Variants in IFT74 observed in about 807,000 individuals in gnomAD.
IFT74 encodes the protein intraflagellar transport protein 74 homolog.
Under a neutral mutation model 96.7 loss-of-function variants are expected in IFT74, and 92 were observed. The ratio of observed to expected loss-of-function variants is 0.95; its 90% CI spans 0.80 to 1.13. The LOEUF is 1.13. Among genes scored for constraint, IFT74 ranks in the 50% most tolerant of loss-of-function variants. The pLI, the probability that IFT74 is intolerant of heterozygous loss-of-function variation, is 0.00. For synonymous variants in IFT74, 223 were observed against 213.2 expected, an observed-to-expected ratio of 1.05 and a Z score of -0.40; for missense variants, 811 against 698.2, an observed-to-expected ratio of 1.16 and a Z score of -1.82.
chr9:26,962,129 G>A lies in IFT74; in HGVS notation c.120+42G>A, dbSNP rs560668969. On this transcript the variant is annotated intron_variant, in intron 2 of 19. Transcript: ENST00000380062. ...TCTATTTACTTTGGGAGGCCAAGGT[G>A]GGAGGACCACTTGAGTCCAGGAGAC... 6.6e-5 allele frequency: 106 copies of A among 1,605,460 alleles called. 1 individual carries two copies. The South Asian group carries it at 9.9e-4, about 15-fold the overall frequency.
chr9:27,047,643 A>G (rs1819751409), intron 15 of IFT74, among the ~76,000 whole-genome samples: 1 of 152,194 alleles, frequency 6.6e-6, no homozygotes, highest in South Asian at 2.1e-4. Flanking sequence ...AATTATTATG[A>G]TCTTCTTCCA....
intron 8 of IFT74, among the ~76,000 whole-genome samples, chr9:27,007,557 G>A (rs1225288906): frequency 1.3e-5 from 2 of 152,188 alleles, no homozygotes; most frequent in African/African-American, 4.8e-5. Flanking sequence ...CTCCAACAGT[G>A]AAACAAAAAT....
At chr9:27,028,174 A>G (rs930490629) in intron 12 of IFT74, among the ~76,000 whole-genome samples, 4 of 152,286 alleles carry the variant, frequency 2.6e-5, no homozygotes, top group East Asian at 3.9e-4. Flanking sequence ...CCCTATGCCT[A>G]TACTACATTG....
At chr9:26,970,363 A>G (rs1023592112) in intron 2 of IFT74, among the ~76,000 whole-genome samples, 1 of 152,226 alleles carries the variant, frequency 6.6e-6, no homozygotes, top group Non-Finnish European at 1.5e-5. Context: ...ACACACATAC[A>G]TACACAGTTT....
In IFT74 at chr9:26,950,497, C is replaced by T. The variant is rs10967618; in HGVS notation, c.-20+3351C>T. Among the ~76,000 whole-genome samples, 1,142 of 152,150 alleles carry T rather than the reference C, an allele frequency of 7.5e-3. 12 individuals are homozygous for T. The highest frequency in any genetic ancestry group is 0.026 in the African/African-American group (1,070 of 41,510). On this transcript the variant is annotated intron_variant, in intron 1 of 19. Coordinates refer to the IFT74 transcript ENST00000433700. ...CACTTTTCCTTGCCTCAAAGTTTAACTATAAACCAAATTCCTGGCATAGTT... is the reference window on the plus strand; with the variant it reads ...CACTTTTCCTTGCCTCAAAGTTTAATTATAAACCAAATTCCTGGCATAGTT...
chr9:27,018,528 CAAGA>C, intron 11 of IFT74, 115 bp from the exon 12 acceptor site: 1 of 469,538 alleles, frequency 2.1e-6, no homozygotes, highest in East Asian at 3.4e-5. Flanking sequence ...AAATAGATTT[CAAGA>C]AAGAGAGTAG....
At chr9:27,003,239 T>C (rs1828595725) in intron 8 of IFT74, among the ~76,000 whole-genome samples, 1 of 152,134 alleles carries the variant, frequency 6.6e-6, no homozygotes, top group South Asian at 2.1e-4. Flanking sequence ...TAAGATCATG[T>C]CTGCCAGGTG....
At chr9:26,953,158 T>G (rs1825985359), upstream of IFT74, among the ~76,000 whole-genome samples, 1 of 152,210 alleles carries the variant, frequency 6.6e-6, no homozygotes, top group Non-Finnish European at 1.5e-5. Flanking sequence ...AATTTTGCTT[T>G]CAGTGAGATA....
chr9:26,974,097 C>T (rs1257020825), intron 2 of IFT74, among the ~76,000 whole-genome samples: 2 of 152,190 alleles, frequency 1.3e-5, no homozygotes, highest in Admixed American at 1.3e-4. Context: ...CCCAGATCCT[C>T]TAATTGGAGG....
chr9:26,956,912 G>A (rs528028602), intron 1 of IFT74, among the ~76,000 whole-genome samples: 1 of 152,350 alleles, frequency 6.6e-6, no homozygotes, highest in South Asian at 2.1e-4. Flanking sequence ...GGCTTAGGGA[G>A]GATAACGATA....
intron 18 of IFT74, among the ~76,000 whole-genome samples, chr9:27,059,013 T>C (rs1820296542): frequency 6.6e-6 from 1 of 151,932 alleles, no homozygotes; most frequent in Non-Finnish European, 1.5e-5. Context: ...ATACTTCTTA[T>C]GGAATATTAG....
At chr9:26,949,676 G>C (rs1260303427) in intron 1 of IFT74, among the ~76,000 whole-genome samples, 1 of 152,170 alleles carries the variant, frequency 6.6e-6, no homozygotes, top group African/African-American at 2.4e-5. Context: ...AGGAGGATGG[G>C]AGATATTTCT....
Position 27,036,504 on chromosome 9 carries a change from A to C in IFT74, c.1054+7400A>C, listed in dbSNP as rs1285208690. 13 of 1,613,752 alleles carry C rather than the reference A, an allele frequency of 8.1e-6. No individual in the cohort carries two copies. In the African/African-American group the frequency reaches 1.6e-4, roughly 20 times the overall value. On this transcript the variant is annotated intron_variant, in intron 13 of 19. Coordinates refer to ENST00000380062, the MANE Select transcript of IFT74 (RefSeq NM_025103.4). ...GAAAAAAATACAGGAAGTTTCAAAA[A>C]GCAAGTTTGAACCTGCCATGTGCTA...
chr9:26,994,317 T>G (rs1165006573), intron 8 of IFT74: 1 of 152,068 alleles, frequency 6.6e-6, no homozygotes, highest in Non-Finnish European at 1.5e-5. Context: ...GGCGGGTAGA[T>G]CATGAGGTCA....
At chr9:26,983,056 T>C (rs752017330) in intron 4 of IFT74, among the ~76,000 whole-genome samples, 1 of 152,182 alleles carries the variant, frequency 6.6e-6, no homozygotes, top group African/African-American at 2.4e-5. Context: ...CTCTTTTATT[T>C]CGCTTTTGTT....
At chr9:27,048,336 G>A in intron 16 of IFT74, 62 bp downstream of exon 16, 1 of 1,159,958 alleles carries the variant, frequency 8.6e-7, no homozygotes, top group East Asian at 2.7e-5. Context: ...GTTATTCTCT[G>A]ATTATTTTAA....
chr9:27,018,303 A>G (rs896014748), intron 11 of IFT74, among the ~76,000 whole-genome samples: 4 of 152,218 alleles, frequency 2.6e-5, no homozygotes, highest in African/African-American at 9.6e-5. Context: ...GGCTTGCTCA[A>G]TCTAGCAACC....
chr9:26,963,973 T>C (rs984649951), intron 2 of IFT74, among the ~76,000 whole-genome samples: 5 of 151,884 alleles, frequency 3.3e-5, no homozygotes, highest in African/African-American at 1.2e-4. Context: ...TTTAATGAGA[T>C]CCCATTTGTC....
chr9:27,030,124 C>G lies in IFT74; in HGVS notation c.1054+1020C>G, dbSNP rs142677292. ...CTAATAAGAAAGATAAAAGTAGATT[C>G]TCCATAGCATTTTAATCATAGTTTA... On this transcript the variant is annotated intron_variant, in intron 13 of 19. Coordinates refer to ENST00000380062, the MANE Select transcript of IFT74 (RefSeq NM_025103.4). Among the ~76,000 whole-genome samples the G allele has an allele frequency of 8.2e-3, 1,248 of 152,270 alleles. 15 individuals carry two copies. Among genetic ancestry groups the G allele is most frequent in the African/African-American group, 0.028 (1,165 of 41,546 alleles).
Sources: gnomAD v4.1 joint callset for allele counts (sites outside exome capture counted in the v4.1 genomes callset) on GRCh38, gnomAD v4.1.1 for gene constraint, MANE v1.5 for transcripts, NCBI Gene and HGNC (gene_info 2026-07-23, HGNC 2026-07-21) for gene names.